The following ANKS1B variants were observed in gnomAD, a reference collection of about 807,000 sequenced individuals.
ANKS1B encodes ankyrin repeat and sterile alpha motif domain-containing protein 1B.
ANKS1B carries 36 observed loss-of-function variants against 148.3 expected under a neutral mutation model. That is an observed-to-expected ratio of 0.24 (90% CI 0.19 to 0.32). The LOEUF (loss-of-function observed/expected upper bound fraction) is 0.32. ANKS1B is among the 10% of genes least tolerant of loss of function. ANKS1B has a pLI of 1.00. For missense variants in ANKS1B, 1,157 were observed against 1,542.6 expected (o/e 0.75, Z 4.19); for synonymous variants, 542 against 560.8 (o/e 0.97, Z 0.47).
intron 8 of ANKS1B, among the ~76,000 whole-genome samples, chr12:99,704,774 G>A (rs1172181161): frequency 6.6e-6 from 1 of 152,086 alleles, no homozygotes; most frequent in African/African-American, 2.4e-5. Context: ...GAAAGGTGCT[G>A]CATCTGACAT....
chr12:98,914,819 C>T (rs536615073), intron 17 of ANKS1B, among the ~76,000 whole-genome samples: 13 of 152,292 alleles, frequency 8.5e-5, no homozygotes, highest in African/African-American at 3.1e-4. Flanking sequence ...CTCACTGAAG[C>T]TTTCCTTGAC....
At chr12:99,772,629 C>A (rs1286259964) in intron 8 of ANKS1B, 2 of 209,710 alleles carry the variant, frequency 9.5e-6, no homozygotes, top group Non-Finnish European at 1.9e-5. Context: ...CATCATTATG[C>A]CCAGTAAAAC....
intron 17 of ANKS1B, among the ~76,000 whole-genome samples, chr12:98,937,803 A>T (rs2099820167): frequency 6.6e-6 from 1 of 152,140 alleles, no homozygotes; most frequent in African/African-American, 2.4e-5. Context: ...GGTTTAATTG[A>T]CTCAAAGTTC....
chr12:99,130,552 A>T (rs1262759038), intron 15 of ANKS1B, among the ~76,000 whole-genome samples: 1 of 152,152 alleles, frequency 6.6e-6, no homozygotes, highest in Non-Finnish European at 1.5e-5. Context: ...CACTATAGCC[A>T]CATCAGCTAA....
intron 11 of ANKS1B, among the ~76,000 whole-genome samples, chr12:99,418,163 C>T (rs954335459): frequency 7.2e-5 from 11 of 152,106 alleles, no homozygotes; most frequent in African/African-American, 2.4e-4. Context: ...ATAAGCATTA[C>T]AGAATCACAT....
chr12:99,703,059 C>G (rs183462264), intron 8 of ANKS1B, among the ~76,000 whole-genome samples: 1 of 151,998 alleles, frequency 6.6e-6, no homozygotes, highest in African/African-American at 2.4e-5. Flanking sequence ...AATTTTGTTT[C>G]TCCACAAGGC....
At chr12:99,282,008 G>A (rs2078527642) in intron 12 of ANKS1B, among the ~76,000 whole-genome samples, 1 of 152,154 alleles carries the variant, frequency 6.6e-6, no homozygotes, top group South Asian at 2.1e-4. Context: ...CCTTTTAGTG[G>A]TGAGAGATCA....
chr12:98,949,466 G>T (rs2099850870), intron 17 of ANKS1B, among the ~76,000 whole-genome samples: 1 of 152,084 alleles, frequency 6.6e-6, no homozygotes. Context: ...TTAAATTTTT[G>T]ATCTTTAAAA....
chr12:99,606,696 C>T (rs1242580394), intron 9 of ANKS1B, among the ~76,000 whole-genome samples: 1 of 151,998 alleles, frequency 6.6e-6, no homozygotes, highest in Non-Finnish European at 1.5e-5. Flanking sequence ...TTTCAAGTTA[C>T]CAAAAAGAAT....
intron 17 of ANKS1B, among the ~76,000 whole-genome samples, chr12:98,969,510 A>T (rs1472313696): frequency 6.6e-6 from 1 of 151,954 alleles, no homozygotes; most frequent in Non-Finnish European, 1.5e-5. Flanking sequence ...ATAATTATAT[A>T]AAAAATATGA....
Position 99,137,369 on chromosome 12 carries a change from A to G in ANKS1B, c.2526+16920T>C, listed in dbSNP as rs148114252. ...ACCAGGGGCCAACGATTACCCAGTC[A>G]GTCAACGACATTGACTGCTCACTGG... On this transcript the variant is annotated intron_variant, in intron 15 of 26. Transcript: ENST00000683438. 8.8e-3 allele frequency among the ~76,000 whole-genome samples: 1,343 copies of G among 152,324 alleles called. 7 individuals carry two copies. The highest frequency in any genetic ancestry group is 0.021 in the East Asian group (106 of 5,170).
At chr12:99,420,565 A>G (rs993388137) in intron 11 of ANKS1B, among the ~76,000 whole-genome samples, 1 of 145,214 alleles carries the variant, frequency 6.9e-6, no homozygotes, top group African/African-American at 2.7e-5. Flanking sequence ...AACAAGTTCA[A>G]CTCCTTTTCT....
In ANKS1B at chr12:98,751,342, C is replaced by T. The variant is rs375471416; in HGVS notation, c.3747+13G>A. On this transcript the variant is annotated intron_variant, in intron 26 of 26. Transcript: ENST00000683438. This position sits in a 1 kb window ranked among gnomAD's most constrained non-coding sequence, Gnocchi z 4.3. The stretch of plus-strand genomic sequence containing the variant: ...TCAAGGTTTTTTAGAACATCTGTAT[C>T]GTTTCTACTTACCACGGACTTGCGA... 3.1e-4 allele frequency: 500 copies of T among 1,612,640 alleles called. No individual in the cohort carries two copies. Among genetic ancestry groups the T allele is most frequent in the Non-Finnish European group, 3.6e-4 (428 of 1,179,518 alleles).
intron 9 of ANKS1B, among the ~76,000 whole-genome samples, chr12:99,560,037 T>C (rs2097316371): frequency 6.6e-6 from 1 of 152,156 alleles, no homozygotes; most frequent in Non-Finnish European, 1.5e-5. Context: ...ATAGAAATAT[T>C]TACTTGAAGC....
At chr12:98,812,426 G>T (rs560093178) in intron 19 of ANKS1B, among the ~76,000 whole-genome samples, 20 of 152,254 alleles carry the variant, frequency 1.3e-4, no homozygotes, top group African/African-American at 4.1e-4. Context: ...ACACTATGAC[G>T]TTTGCATGAC....
intron 10 of ANKS1B, among the ~76,000 whole-genome samples, chr12:99,449,676 G>A (rs2095694066): frequency 6.6e-6 from 1 of 152,052 alleles, no homozygotes; most frequent in African/African-American, 2.4e-5. Flanking sequence ...ATAAAATATG[G>A]AAGATCAAAG....
chr12:99,692,668 C>CTCAAA (rs758044309), intron 8 of ANKS1B, among the ~76,000 whole-genome samples: 1 of 128,432 alleles, frequency 7.8e-6, no homozygotes, highest in East Asian at 2.5e-4. Context: ...AAGATTCTGT[C>CTCAAA]AAAAAAAAAA....
chr12:99,807,636 G>A (rs2067804373), intron 3 of ANKS1B, among the ~76,000 whole-genome samples: 1 of 152,082 alleles, frequency 6.6e-6, no homozygotes, highest in Non-Finnish European at 1.5e-5. Context: ...AGACATAGTT[G>A]CATTTTATAT....
intron 10 of ANKS1B, among the ~76,000 whole-genome samples, chr12:99,464,935 C>G (rs1341241441): frequency 1.3e-5 from 2 of 152,136 alleles, no homozygotes; most frequent in African/African-American, 4.8e-5. Context: ...TCAGGAAATA[C>G]AGAGAACACC....
Sources: allele counts gnomAD v4.1 joint callset (sites outside exome capture counted in the v4.1 genomes callset), GRCh38; gene constraint gnomAD v4.1.1; non-coding constraint Gnocchi (gnomAD v3.1); transcripts MANE v1.5; gene names NCBI Gene and HGNC (gene_info 2026-07-23, HGNC 2026-07-21).